The following CD3E variants were observed in gnomAD, a reference collection of about 807,000 sequenced individuals.
CD3E encodes the protein T-cell surface glycoprotein CD3 epsilon chain.
Under a neutral mutation model 34.7 loss-of-function variants are expected in CD3E, and 16 were observed. The observed-to-expected ratio is 0.46, with a 90% confidence interval of 0.31 to 0.70. CD3E has a LOEUF of 0.70. Among genes scored for constraint, CD3E ranks in the 30% least tolerant of loss-of-function variants. The pLI is 0.05. For synonymous variants in CD3E, 70 were observed against 90.8 expected (o/e 0.77, Z 1.30); for missense variants, 223 against 253.9 (o/e 0.88, Z 0.83).
chr11:118,312,413 T>C, intron 5 of CD3E: 1 of 713,996 alleles, frequency 1.4e-6, no homozygotes, highest in East Asian at 2.8e-5. Context: ...AAAGGTTCTC[T>C]AGTTCCCTTC....
In CD3E at chr11:118,315,520, G is replaced by C. The variant is rs1020283742; in HGVS notation, c.602G>C (p.Gly201Ala). 2 of 1,613,042 alleles carry C rather than the reference G, an allele frequency of 1.2e-6. No homozygotes were observed. Among genetic ancestry groups the C allele is most frequent in the Non-Finnish European group, 1.7e-6 (2 of 1,179,784 alleles). The part of the protein sequence containing the change: ...IRKGQRDLYS[G>A]LNQRRI ...AAAGGCCAGCGGGACCTGTATTCTG[G>C]CCTGAATCAGAGACGCATCTGACCC... The change falls in exon 9 of 9, where the codon GGC (glycine) becomes GCC (alanine). Residue 201 changes from glycine (G) to alanine (A), a missense_variant. Coordinates refer to ENST00000361763, the MANE Select transcript of CD3E (RefSeq NM_000733.4).
chr11:118,312,309 G>A (rs1036593279), intron 5 of CD3E, 139 bp downstream of exon 5: 7 of 892,282 alleles, frequency 7.8e-6, no homozygotes, highest in African/African-American at 3.3e-5. Flanking sequence ...TTTTAGAAAG[G>A]TTCCAAATAG....
intron 7 of CD3E, 94 bp downstream of exon 7, chr11:118,313,968 C>A: frequency 8.1e-7 from 1 of 1,241,358 alleles, no homozygotes; most frequent in Non-Finnish European, 1.2e-6. Context: ...TAGGTCAGAA[C>A]AGCTTCTCTA....
chr11:118,313,687 C>T lies in CD3E; in HGVS notation c.353-20C>T. 1.2e-6 allele frequency: 2 copies of T among 1,611,350 alleles called. No individual in the cohort carries two copies. Among genetic ancestry groups the T allele is most frequent in the South Asian group, 1.1e-5 (1 of 91,020 alleles). Reference sequence around the variant, plus strand: ...TTCCTTGCTTAGTGATTTCCCCTCTCCCCACCCCACCCCCCACAGTGTGTG... The same window carrying T: ...TTCCTTGCTTAGTGATTTCCCCTCTTCCCACCCCACCCCCCACAGTGTGTG... On this transcript the variant is annotated intron_variant, in intron 6 of 8. Coordinates refer to ENST00000361763, the MANE Select transcript of CD3E (RefSeq NM_000733.4).
intron 7 of CD3E, among the ~76,000 whole-genome samples, chr11:118,314,205 C>T (rs1353015573): frequency 6.6e-6 from 1 of 152,068 alleles, no homozygotes; most frequent in Non-Finnish European, 1.5e-5. Context: ...TTCCCTTCCC[C>T]TATGGAGAGA....
Position 118,307,195 on chromosome 11 carries a change from A to G in CD3E, c.50-93A>G, listed in dbSNP as rs151180849. 3.1e-5 allele frequency: 28 copies of G among 913,908 alleles called. No homozygotes were observed. The African/African-American group carries it at 4.4e-4, about 14-fold the overall frequency. 56.6% of individuals were successfully genotyped at this position (913,908 alleles called of 1,614,324 possible). A position where few individuals can be genotyped will look rare whatever the true frequency, so the allele number is the denominator to read the frequency against. ...AGAGGGAAGGACATCAGATGTCATC[A>G]GTGGTCATACTGCAACACAGCCCTT... On this transcript the variant is annotated intron_variant, in intron 2 of 8. Coordinates refer to ENST00000361763, the MANE Select transcript of CD3E (RefSeq NM_000733.4).
intron 4 of CD3E, among the ~76,000 whole-genome samples, chr11:118,309,952 G>T (rs12793150): frequency 6.6e-6 from 1 of 152,028 alleles, no homozygotes; most frequent in Non-Finnish European, 1.5e-5. Context: ...CACTGTACTC[G>T]AGCCTCTGTG....
chr11:118,308,499 T>G, intron 4 of CD3E, 58 bp downstream of exon 4: 1 of 1,082,666 alleles, frequency 9.2e-7, no homozygotes, highest in East Asian at 2.4e-5. Context: ...GAAATGCTCA[T>G]AGAGTACAAT....
chr11:118,313,817 A>G lies in CD3E; in HGVS notation c.463A>G (p.Arg155Gly), dbSNP rs1449318793. 2 of 1,614,014 alleles carry G rather than the reference A, an allele frequency of 1.2e-6. No individual in the cohort carries two copies. The highest frequency in any genetic ancestry group is 3.3e-5 in the Admixed American group (2 of 59,998). Reference sequence around the variant, plus strand: ...GCTGGTTTACTACTGGAGCAAGAATAGAAAGGCCAAGGCCAAGCCTGTGAC... The same window carrying G: ...GCTGGTTTACTACTGGAGCAAGAATGGAAAGGCCAAGGCCAAGCCTGTGAC... Reference protein sequence around the residue: ...LLLVYYWSKNRKAKAKPVTRG... With the variant: ...LLLVYYWSKNGKAKAKPVTRG... Residue 155 changes from arginine (R) to glycine (G), a missense_variant, in exon 7 of 9, where the codon AGA becomes GGA. Transcript: ENST00000361763.
chr11:118,315,432 T>C, intron 8 of CD3E, 54 bp from the exon 9 acceptor site: 3 of 1,482,622 alleles, frequency 2.0e-6, no homozygotes, highest in Non-Finnish European at 2.8e-6. Flanking sequence ...TGTCCTTTCT[T>C]AGGAGGTACT....
chr11:118,311,307 G>A (rs958142068), intron 4 of CD3E, among the ~76,000 whole-genome samples: 6 of 152,142 alleles, frequency 3.9e-5, no homozygotes, highest in African/African-American at 7.2e-5. Context: ...AGTTTTCCAG[G>A]AAATAATAAA....
At chr11:118,307,261 AC>A in intron 2 of CD3E, 26 bp from the exon 3 acceptor site, 1 of 1,584,236 alleles carries the variant, frequency 6.3e-7, no homozygotes, top group Non-Finnish European at 8.7e-7. Flanking sequence ...ATTTACTAAC[AC>A]TTTTTTTTTC....
intron 2 of CD3E, among the ~76,000 whole-genome samples, chr11:118,306,654 G>A (rs942538621): frequency 6.6e-6 from 1 of 152,044 alleles, no homozygotes; most frequent in Non-Finnish European, 1.5e-5. Context: ...TAAAAGAAAG[G>A]CCTAGGTGTG....
chr11:118,313,148 A>G (rs1948145778), intron 6 of CD3E: 1 of 479,766 alleles, frequency 2.1e-6, no homozygotes, highest in Admixed American at 3.3e-5. Flanking sequence ...CATCACACCC[A>G]GGTTCATAGC....
chr11:118,312,130 C>T, intron 4 of CD3E, 23 bp from the exon 5 acceptor site: 1 of 1,605,362 alleles, frequency 6.2e-7, no homozygotes, highest in Non-Finnish European at 8.5e-7. Flanking sequence ...TTTCTTACTG[C>T]TGTTTCCTTT....
At position 118,315,694 on chromosome 11, in the gene CD3E, C is replaced by T; in HGVS notation, c.*152C>T. On this transcript the variant is annotated 3_prime_UTR_variant, in exon 9 of 9. Coordinates refer to ENST00000361763, the MANE Select transcript of CD3E (RefSeq NM_000733.4). ...CGCCCTCCAGCCTGATCCCCCGCTC[C>T]CTCCTCCCTGCCTTCTCTGCTGGTA... The T allele has an allele frequency of 1.4e-6, 1 of 703,954 alleles. No individual in the cohort carries two copies. The allele number at this position is 703,954 out of a possible 1,614,324, so 43.6% of individuals were successfully genotyped here.
At position 118,313,717 on chromosome 11, in the gene CD3E, C is replaced by T. The variant is rs1447907807; in HGVS notation, c.363C>T (p.Asn121=). The T allele has an allele frequency of 6.2e-7, 1 of 1,613,998 alleles. No individual in the cohort carries two copies. The highest frequency in any genetic ancestry group is 1.3e-5 in the African/African-American group (1 of 75,020). ...CCCCACCCCCCACAGTGTGTGAGAA[C>T]TGCATGGAGATGGATGTGATGTCGG... The part of the protein sequence containing the change: ...YLYLRARVCE[N]CMEMDVMSVA... The change falls in exon 7 of 9, where the codon AAC becomes AAT. Residue 121 remains asparagine, a synonymous_variant. Coordinates refer to ENST00000361763, the MANE Select transcript of CD3E (RefSeq NM_000733.4).
chr11:118,306,486 G>A (rs1022340997), intron 2 of CD3E, among the ~76,000 whole-genome samples: 1 of 145,396 alleles, frequency 6.9e-6, no homozygotes, highest in African/African-American at 2.6e-5. Flanking sequence ...TCTCAAAATA[G>A]ATAAATAAAT....
Position 118,315,665 on chromosome 11 carries a change from C to A in CD3E, c.*123C>A. The A allele has an allele frequency of 1.2e-6, 1 of 851,936 alleles. No homozygotes were observed. Among genetic ancestry groups the A allele is most frequent in the Non-Finnish European group, 1.9e-6 (1 of 518,660 alleles). The allele number at this position is 851,936 out of a possible 1,614,324, so 52.8% of individuals were successfully genotyped here. A position where few individuals can be genotyped will look rare whatever the true frequency, so the allele number is the denominator to read the frequency against. On this transcript the variant is annotated 3_prime_UTR_variant, in exon 9 of 9. Coordinates refer to ENST00000361763, the MANE Select transcript of CD3E (RefSeq NM_000733.4). Reference sequence around the variant, plus strand: ...AATCGTTCCTCAGCCTCATGGTGAACTCGCGCCCTCCAGCCTGATCCCCCG... The same window carrying A: ...AATCGTTCCTCAGCCTCATGGTGAAATCGCGCCCTCCAGCCTGATCCCCCG...
Sources: allele counts gnomAD v4.1 joint callset (sites outside exome capture counted in the v4.1 genomes callset), GRCh38; gene constraint gnomAD v4.1.1; transcripts MANE v1.5; gene names NCBI Gene and HGNC (gene_info 2026-07-23, HGNC 2026-07-21).